Variants in LRP1B observed in about 807,000 individuals in gnomAD.
LRP1B encodes the protein LDL receptor related protein 1B.
LRP1B carries 217 observed loss-of-function variants against 556.6 expected under a neutral mutation model. That is an observed-to-expected ratio of 0.39 (90% CI 0.35 to 0.44). The LOEUF (loss-of-function observed/expected upper bound fraction) is 0.44, where lower values mean the gene tolerates loss of function less well. LRP1B is among the 20% of genes least tolerant of loss of function. The pLI is 1.00. For synonymous variants in LRP1B, 2,047 were observed against 1,865.8 expected, an observed-to-expected ratio of 1.10 and a Z score of -2.50; for missense variants, 5,053 against 5,620.8, an observed-to-expected ratio of 0.90 and a Z score of 3.23.
intron 1 of LRP1B, among the ~76,000 whole-genome samples, chr2:142,015,955 G>A (rs1309876253): frequency 8.0e-5 from 10 of 124,570 alleles, no homozygotes. Context: ...TCGTGCCACT[G>A]CACTCCAGCC....
chr2:142,127,290 C>T (rs942554644), intron 1 of LRP1B, among the ~76,000 whole-genome samples: 13 of 151,652 alleles, frequency 8.6e-5, no homozygotes, highest in African/African-American at 3.1e-4. Flanking sequence ...GAGATAAAAA[C>T]ATTTTAAGAA....
At chr2:141,983,640 C>A (rs1190554513) in intron 1 of LRP1B, among the ~76,000 whole-genome samples, 2 of 152,112 alleles carry the variant, frequency 1.3e-5, no homozygotes, top group Non-Finnish European at 2.9e-5. Flanking sequence ...ACATTTTTAA[C>A]AGTGAAAATC....
chr2:141,212,605 C>CAA (rs546592321), intron 6 of LRP1B, among the ~76,000 whole-genome samples: 2 of 151,244 alleles, frequency 1.3e-5, no homozygotes, highest in Non-Finnish European at 2.9e-5. Flanking sequence ...TTCTAAATAG[C>CAA]AAAAAAACAA....
chr2:140,425,569 C>A (rs1199023816), intron 66 of LRP1B, among the ~76,000 whole-genome samples: 1 of 152,144 alleles, frequency 6.6e-6, no homozygotes, highest in East Asian at 1.9e-4. Flanking sequence ...CACAACCACA[C>A]CTGGCTAATT....
At chr2:141,583,230 T>C (rs955931734) in intron 2 of LRP1B, among the ~76,000 whole-genome samples, 4 of 152,152 alleles carry the variant, frequency 2.6e-5, no homozygotes, top group African/African-American at 9.7e-5. Context: ...AAAAATTGTA[T>C]GGAAATCTGG....
In LRP1B at chr2:141,114,430, G is replaced by T. The variant is rs79778368; in HGVS notation, c.1014-52157C>A. Among the ~76,000 whole-genome samples, 1,115 of 152,190 alleles carry T rather than the reference G, an allele frequency of 7.3e-3. 15 individuals carry two copies. Among genetic ancestry groups the T allele is most frequent in the African/African-American group, 0.026 (1,074 of 41,522 alleles). On this transcript the variant is annotated intron_variant, in intron 7 of 90. Transcript: ENST00000389484. ...TGAGTGATGGAGGTGGCTGTCAGTG[G>T]GGTGGAAGGGAAGCTGGAAAGGGGA...
At chr2:140,907,683 A>G (rs578095676) in intron 22 of LRP1B, among the ~76,000 whole-genome samples, 194 bp downstream of exon 22, 14 of 152,146 alleles carry the variant, frequency 9.2e-5, no homozygotes, top group East Asian at 1.9e-4. Context: ...TCTTATTTTC[A>G]GAAATTTCTG....
chr2:142,065,351 C>T (rs1374190013), intron 1 of LRP1B, among the ~76,000 whole-genome samples: 1 of 151,038 alleles, frequency 6.6e-6, no homozygotes, highest in East Asian at 2.0e-4. Context: ...TAGAAGATCC[C>T]CCCTTTCCTT....
rs142546436 is a variant in LRP1B, at chr2:141,699,953, A to G, written c.205+110326T>C. On this transcript the variant is annotated intron_variant, in intron 2 of 90. Coordinates refer to ENST00000389484, the MANE Select transcript of LRP1B (RefSeq NM_018557.3). ...TCTGCTGATTTACTCTGTGTTAAGA[A>G]AAAGATTCAACCAAAGAATATACAT... Among the ~76,000 whole-genome samples, 133 of 150,708 alleles carry G rather than the reference A, an allele frequency of 8.8e-4. 2 individuals are homozygous for G. Among genetic ancestry groups the G allele is most frequent in the African/African-American group, 3.1e-3 (128 of 41,070 alleles).
chr2:140,655,826 C>T (rs1234304947), intron 41 of LRP1B, among the ~76,000 whole-genome samples: 1 of 151,822 alleles, frequency 6.6e-6, no homozygotes, highest in Non-Finnish European at 1.5e-5. Flanking sequence ...GCCTGTAGTC[C>T]CAGCTACTCG....
intron 60 of LRP1B, among the ~76,000 whole-genome samples, chr2:140,465,370 C>T (rs1687501691): frequency 6.6e-6 from 1 of 152,052 alleles, no homozygotes; most frequent in East Asian, 1.9e-4. Flanking sequence ...TCTAGGTAGT[C>T]CCAGCAAAAA....
intron 1 of LRP1B, among the ~76,000 whole-genome samples, chr2:141,837,431 G>A (rs1697322291): frequency 6.6e-6 from 1 of 151,920 alleles, no homozygotes; most frequent in African/African-American, 2.4e-5. Context: ...ATCCTGGGAA[G>A]CATGATGCAA....
At chr2:140,961,764 ATTT>A (rs1696042650) in intron 18 of LRP1B, among the ~76,000 whole-genome samples, 1 of 151,986 alleles carries the variant, frequency 6.6e-6, no homozygotes, top group Non-Finnish European at 1.5e-5. Flanking sequence ...TGTACTTTTA[ATTT>A]AAAGCTTTTA....
chr2:141,253,812 A>G (rs1684359233), intron 4 of LRP1B, among the ~76,000 whole-genome samples: 1 of 151,138 alleles, frequency 6.6e-6, no homozygotes, highest in African/African-American at 2.4e-5. Flanking sequence ...AGAGAGAGGC[A>G]GAGAGAGAGA....
intron 1 of LRP1B, among the ~76,000 whole-genome samples, chr2:142,088,541 T>G (rs559986174): frequency 6.6e-6 from 1 of 152,318 alleles, no homozygotes; most frequent in East Asian, 1.9e-4. Context: ...TATTCTAATA[T>G]TCTTCCATAT....
intron 41 of LRP1B, among the ~76,000 whole-genome samples, chr2:140,634,986 C>T (rs1206108258): frequency 6.6e-6 from 1 of 151,984 alleles, no homozygotes; most frequent in African/African-American, 2.4e-5. Context: ...ATCAGTCCAT[C>T]AATTGTAACA....
At chr2:140,520,833 A>G (rs1039071371) in intron 49 of LRP1B, among the ~76,000 whole-genome samples, 4 of 150,566 alleles carry the variant, frequency 2.7e-5, no homozygotes, top group African/African-American at 9.7e-5. Flanking sequence ...AGGATTTGAA[A>G]GACAACATAG....
In LRP1B at chr2:140,348,470, A is replaced by C. The variant is rs548941782; in HGVS notation, c.11892+2327T>G. On this transcript the variant is annotated intron_variant, in intron 77 of 90. Transcript: ENST00000389484. ...TTTAGTTAGTTATGATGGACTCCTT[A>C]GTAGAAAATGCACTCCTACTGTTAT... 2.6e-5 allele frequency among the ~76,000 whole-genome samples: 4 copies of C among 152,198 alleles called. No homozygotes were observed. The East Asian group carries it at 7.8e-4, about 30-fold the overall frequency.
At chr2:140,342,646 T>C (rs1199777239) in intron 77 of LRP1B, among the ~76,000 whole-genome samples, 1 of 151,484 alleles carries the variant, frequency 6.6e-6, no homozygotes, top group African/African-American at 2.4e-5. Flanking sequence ...ATCCAAAGAA[T>C]AGGATGGGGA....
Sources: gnomAD v4.1 joint callset for allele counts (sites outside exome capture counted in the v4.1 genomes callset) on GRCh38, gnomAD v4.1.1 for gene constraint, MANE v1.5 for transcripts, NCBI Gene and HGNC (gene_info 2026-07-23, HGNC 2026-07-21) for gene names.